HERC2: variants seen among roughly 807,000 people sequenced by gnomAD.
The protein encoded by HERC2 is E3 ubiquitin-protein ligase HERC2.
In HERC2, 102 loss-of-function variants were observed where a neutral mutation model predicts 537.7. The observed-to-expected ratio is 0.19, with a 90% CI of 0.16 to 0.22. The LOEUF is 0.22. HERC2 is among the 10% of genes least tolerant of loss of function. HERC2 has a pLI of 1.00. For missense variants in HERC2, 4,236 were observed against 6,198.2 expected (o/e 0.68, Z 10.63); for synonymous variants, 2,224 against 2,466.2 (o/e 0.90, Z 2.91).
chr15:28,138,505 G>T (rs1362745561), intron 78 of HERC2, among the ~76,000 whole-genome samples: 1 of 152,010 alleles, frequency 6.6e-6, no homozygotes, highest in Non-Finnish European at 1.5e-5. Flanking sequence ...TCCAGAAATA[G>T]AACAAAACCT....
chr15:28,254,487 T>C lies in HERC2; in HGVS notation c.2903A>G (p.Glu968Gly). 1 of 1,599,850 alleles carries C rather than the reference T, an allele frequency of 6.3e-7. No homozygotes were observed. The highest frequency in any genetic ancestry group is 8.5e-7 in the Non-Finnish European group (1 of 1,176,062). The stretch of plus-strand genomic sequence containing the variant: ...CGCTTCCTGTTCATCAATTTCTTTT[T>C]CCTTCTGTGCTTCTTTTTTGGCTTC... Reference protein sequence around the residue: ...DIEAKKEAQKEKEIDEQEANA... With the variant: ...DIEAKKEAQKGKEIDEQEANA... Residue 968 changes from glutamate to glycine, a missense_variant, in exon 20 of 93, where the codon GAA becomes GGA. Around this residue, in one of 27 missense-constraint regions of HERC2, gnomAD observed 754 missense variants for 1,085.0 expected, o/e 0.69. Coordinates refer to ENST00000261609, the MANE Select transcript of HERC2 (RefSeq NM_004667.6).
At position 28,248,719 on chromosome 15, in the gene HERC2, G is replaced by C. The variant is rs1047513979; in HGVS notation, c.3068C>G (p.Thr1023Ser). 5 of 1,613,578 alleles carry C rather than the reference G, an allele frequency of 3.1e-6. No individual in the cohort carries two copies. The highest frequency in any genetic ancestry group is 4.2e-6 in the Non-Finnish European group (5 of 1,179,562). ...QQLLRNIASQ[T>S]VARLKDVARR... The stretch of plus-strand genomic sequence containing the variant: ...GGCAACATCTTTCAATCTGGCTACA[G>C]TCTGAGAAGCAATGTTTCTATACAG... The change falls in exon 21 of 93, where the codon ACT becomes AGT. Residue 1023 changes from threonine (T) to serine (S), a missense_variant. Around this residue, in one of 27 missense-constraint regions of HERC2, gnomAD observed 754 missense variants for 1,085.0 expected, o/e 0.69. Coordinates refer to ENST00000261609, the MANE Select transcript of HERC2 (RefSeq NM_004667.6).
chr15:28,267,966 C>G (rs1297473586), intron 12 of HERC2, among the ~76,000 whole-genome samples: 4 of 152,232 alleles, frequency 2.6e-5, no homozygotes, highest in Non-Finnish European at 5.9e-5. Flanking sequence ...GCTGGCAGAC[C>G]TCCCAATTTT....
intron 4 of HERC2, among the ~76,000 whole-genome samples, chr15:28,290,176 T>C (rs1019957268): frequency 3.3e-5 from 5 of 152,212 alleles, no homozygotes; most frequent in Non-Finnish European, 2.9e-5. Context: ...TAAGCCAACC[T>C]TGTGTGTTAG....
chr15:28,290,828 T>C lies in HERC2; in HGVS notation c.322+2060A>G, dbSNP rs148695818. Reference sequence around the variant, plus strand: ...TGGCTAAACAATGCTTAGAGGGAAATTTATATTATAGTTTTGAACACTTGT... The same window carrying C: ...TGGCTAAACAATGCTTAGAGGGAAACTTATATTATAGTTTTGAACACTTGT... On this transcript the variant is annotated intron_variant, in intron 4 of 92. Transcript: ENST00000261609. Among the ~76,000 whole-genome samples, 849 of 152,238 alleles carry C rather than the reference T, an allele frequency of 5.6e-3. 7 individuals carry two copies. The highest frequency in any genetic ancestry group is 0.016 in the Admixed American group (249 of 15,294).
At chr15:28,239,483 G>A (rs997692132) in intron 23 of HERC2, among the ~76,000 whole-genome samples, 2 of 148,922 alleles carry the variant, frequency 1.3e-5, no homozygotes, top group Admixed American at 1.4e-4. Context: ...TGTCCTTCCT[G>A]TACAAATTGT....
chr15:28,184,533 C>CG (rs1199155925), intron 56 of HERC2, among the ~76,000 whole-genome samples: 2 of 152,146 alleles, frequency 1.3e-5, no homozygotes, highest in Non-Finnish European at 2.9e-5. Context: ...AAGCTCAAAA[C>CG]ATTTTTGGTT....
intron 2 of HERC2, among the ~76,000 whole-genome samples, chr15:28,313,629 C>T (rs2077004282): frequency 6.6e-6 from 1 of 152,182 alleles, no homozygotes; most frequent in Admixed American, 6.5e-5. Context: ...CAAATATTTG[C>T]AGATGAGTAA....
chr15:28,210,841 T>A (rs1899126587), intron 44 of HERC2, among the ~76,000 whole-genome samples, 161 bp downstream of exon 44: 1 of 152,174 alleles, frequency 6.6e-6, no homozygotes, highest in Non-Finnish European at 1.5e-5. Flanking sequence ...AAGATGACGA[T>A]GACAATTTTA....
chr15:28,260,710 A>C, intron 16 of HERC2, 67 bp downstream of exon 16: 6 of 1,309,956 alleles, frequency 4.6e-6, no homozygotes, highest in Non-Finnish European at 6.5e-6. Flanking sequence ...TATTTTCTAC[A>C]TACTGGTAAT....
At chr15:28,112,228 T>A (rs1887722500) in intron 92 of HERC2, among the ~76,000 whole-genome samples, 193 bp from the exon 93 acceptor site, 1 of 152,114 alleles carries the variant, frequency 6.6e-6, no homozygotes, top group South Asian at 2.1e-4. Flanking sequence ...AAACAGCACC[T>A]CACTATGGAG....
chr15:28,120,125 T>G (rs1057472359), intron 86 of HERC2, among the ~76,000 whole-genome samples: 1 of 152,334 alleles, frequency 6.6e-6, no homozygotes, highest in African/African-American at 2.4e-5. Context: ...CACAGCAAAC[T>G]GAAGCCATCG....
chr15:28,158,629 T>A (rs1372475325), intron 69 of HERC2, among the ~76,000 whole-genome samples: 1 of 152,214 alleles, frequency 6.6e-6, no homozygotes, highest in Non-Finnish European at 1.5e-5. Context: ...CCTATGTGTG[T>A]CTCTGCACAT....
intron 69 of HERC2, among the ~76,000 whole-genome samples, chr15:28,160,875 C>T (rs567223180): frequency 3.9e-5 from 6 of 152,326 alleles, no homozygotes; most frequent in South Asian, 4.1e-4. Flanking sequence ...ATCTTGGCAC[C>T]GCCCCCCGCT....
chr15:28,263,310 G>T, intron 14 of HERC2, 141 bp from the exon 15 acceptor site: 1 of 827,904 alleles, frequency 1.2e-6, no homozygotes, highest in Non-Finnish European at 1.8e-6. Flanking sequence ...GGTGGCTACT[G>T]AGCAAACGAA....
At chr15:28,289,134 C>T (rs1216492934) in intron 4 of HERC2, among the ~76,000 whole-genome samples, 2 of 151,796 alleles carry the variant, frequency 1.3e-5, no homozygotes, top group Non-Finnish European at 2.9e-5. Flanking sequence ...CCCAAGTAGT[C>T]TAAAGATTCC....
intron 23 of HERC2, among the ~76,000 whole-genome samples, chr15:28,241,242 G>T (rs1342408016): frequency 6.6e-6 from 1 of 151,962 alleles, no homozygotes; most frequent in Non-Finnish European, 1.5e-5. Flanking sequence ...TCCAAAAAAG[G>T]TATGCAAATG....
In HERC2 at chr15:28,274,327, TCC is replaced by T; in HGVS notation, c.762_763del (p.Arg256SerfsTer69). Reference sequence around the variant, plus strand: ...GGACCTGAGGAACCTGGTCGCTCTCTCCACCACCTCCAGCCACACAGAGGACA... The same window carrying T: ...GGACCTGAGGAACCTGGTCGCTCTCTACCACCTCCAGCCACACAGAGGACA... On this transcript the variant is annotated frameshift_variant, in exon 7 of 93. Transcript: ENST00000261609. LOFTEE classifies it high-confidence loss of function. 1 of 1,614,158 alleles carries T rather than the reference TCC, an allele frequency of 6.2e-7. No individual in the cohort carries two copies. Among genetic ancestry groups the T allele is most frequent in the Non-Finnish European group, 8.5e-7 (1 of 1,180,008 alleles).
At chr15:28,180,720 C>T (rs977948355) in intron 57 of HERC2, among the ~76,000 whole-genome samples, 7 of 152,196 alleles carry the variant, frequency 4.6e-5, no homozygotes, top group African/African-American at 1.7e-4. Context: ...ATTCAACCAC[C>T]CATGGATTGA....
Sources: allele counts gnomAD v4.1 joint callset (sites outside exome capture counted in the v4.1 genomes callset), GRCh38; gene constraint gnomAD v4.1.1; regional missense constraint gnomAD v4.1.1; transcripts MANE v1.5; gene names NCBI Gene and HGNC (gene_info 2026-07-23, HGNC 2026-07-21).